SGCZ: variants seen among roughly 807,000 people sequenced by gnomAD.
The protein encoded by SGCZ is zeta-sarcoglycan.
In SGCZ, 40 loss-of-function variants were observed where a neutral mutation model predicts 41.3. The observed-to-expected ratio is 0.97, with a 90% CI of 0.75 to 1.26. The LOEUF (loss-of-function observed/expected upper bound fraction) is 1.26. Among genes scored for constraint, SGCZ ranks in the 50% most tolerant of loss-of-function variants. The probability of loss-of-function intolerance (pLI) is 0.00; values close to 1 mark genes in which losing one functional copy is unlikely to be tolerated. For missense variants in SGCZ, 552 were observed against 369.8 expected, an observed-to-expected ratio of 1.49 and a Z score of -4.04; for synonymous variants, 206 against 137.5, an observed-to-expected ratio of 1.50 and a Z score of -3.49.
At chr8:15,198,520 G>A (rs1268396023) in intron 1 of SGCZ, among the ~76,000 whole-genome samples, 2 of 152,148 alleles carry the variant, frequency 1.3e-5, no homozygotes, top group South Asian at 2.1e-4. Flanking sequence ...GATAATTCAT[G>A]TACAATCTTG....
chr8:14,355,441 T>C (rs1803258356), intron 2 of SGCZ, among the ~76,000 whole-genome samples: 1 of 152,118 alleles, frequency 6.6e-6, no homozygotes, highest in Non-Finnish European at 1.5e-5. Flanking sequence ...CTTTAACAAA[T>C]ACTGGCCTAT....
intron 2 of SGCZ, among the ~76,000 whole-genome samples, chr8:14,501,594 A>T (rs967864822): frequency 5.5e-5 from 8 of 146,398 alleles, no homozygotes; most frequent in African/African-American, 2.0e-4. Flanking sequence ...GATGAAATTC[A>T]TGATTTAGTT....
intron 1 of SGCZ, among the ~76,000 whole-genome samples, chr8:15,221,644 T>C (rs1301502401): frequency 3.3e-5 from 5 of 152,186 alleles, no homozygotes; most frequent in Non-Finnish European, 5.9e-5. Flanking sequence ...ATTCCTACTG[T>C]TATGCAGTAG....
At chr8:14,127,326 A>C (rs1802892033) in intron 5 of SGCZ, among the ~76,000 whole-genome samples, 1 of 152,156 alleles carries the variant, frequency 6.6e-6, no homozygotes. Context: ...CACATCCCCT[A>C]AATACTGAGG....
intron 2 of SGCZ, among the ~76,000 whole-genome samples, chr8:14,428,680 C>A (rs551900233): frequency 6.6e-6 from 1 of 152,148 alleles, no homozygotes; most frequent in Non-Finnish European, 1.5e-5. Context: ...TACGTGCATC[C>A]AACCAACTGA....
intron 1 of SGCZ, among the ~76,000 whole-genome samples, chr8:14,764,467 A>C (rs1382177510): frequency 6.6e-6 from 1 of 152,200 alleles, no homozygotes; most frequent in Non-Finnish European, 1.5e-5. Context: ...TGTCTCTTGA[A>C]GTGATGCAAA....
intron 1 of SGCZ, among the ~76,000 whole-genome samples, chr8:14,603,082 G>A (rs1158829546): frequency 1.3e-5 from 2 of 152,108 alleles, no homozygotes; most frequent in Non-Finnish European, 1.5e-5. Flanking sequence ...ATACGCCGGG[G>A]GCAACCCATT....
intron 1 of SGCZ, among the ~76,000 whole-genome samples, chr8:15,132,933 G>A (rs1401165658): frequency 6.6e-6 from 1 of 152,130 alleles, no homozygotes; most frequent in African/African-American, 2.4e-5. Flanking sequence ...ATGAGCCCAA[G>A]AGTTCAAGAT....
intron 3 of SGCZ, among the ~76,000 whole-genome samples, chr8:14,294,055 T>C (rs1800933248): frequency 6.6e-6 from 1 of 151,910 alleles, no homozygotes; most frequent in African/African-American, 2.4e-5. Flanking sequence ...ATCAACAATA[T>C]TGACATTTTT....
intron 1 of SGCZ, among the ~76,000 whole-genome samples, chr8:15,168,563 C>T (rs76554873): frequency 0.017 from 2,607 of 151,836 alleles, 36 homozygotes; most frequent in South Asian, 0.035. Context: ...GGATGGAAGA[C>T]GGAGAGAAGA....
At chr8:14,201,719 C>T (rs1434289794) in intron 4 of SGCZ, among the ~76,000 whole-genome samples, 1 of 152,048 alleles carries the variant, frequency 6.6e-6, no homozygotes, top group Non-Finnish European at 1.5e-5. Context: ...CTATATGCAC[C>T]TGTCAAAGCT....
At chr8:14,368,954 T>A (rs1803814087) in intron 2 of SGCZ, among the ~76,000 whole-genome samples, 1 of 151,640 alleles carries the variant, frequency 6.6e-6, no homozygotes, top group South Asian at 2.1e-4. Flanking sequence ...GTCTTTCTGA[T>A]AGGGGTTAAG....
intron 2 of SGCZ, among the ~76,000 whole-genome samples, chr8:14,370,509 C>T (rs1430796549): frequency 1.3e-5 from 2 of 151,866 alleles, no homozygotes; most frequent in Non-Finnish European, 2.9e-5. Context: ...GTAATCCAAT[C>T]ACAGTAACAC....
intron 5 of SGCZ, among the ~76,000 whole-genome samples, chr8:14,138,837 G>T (rs771858831): frequency 6.6e-6 from 1 of 151,976 alleles, no homozygotes; most frequent in Non-Finnish European, 1.5e-5. Flanking sequence ...TGCACCAAGC[G>T]GACCTAATAG....
intron 1 of SGCZ, among the ~76,000 whole-genome samples, chr8:15,061,859 T>A (rs978252180): frequency 6.6e-6 from 1 of 152,202 alleles, no homozygotes; most frequent in Admixed American, 6.5e-5. Flanking sequence ...CCCTACAAGT[T>A]GTTCAAGTTA....
intron 1 of SGCZ, among the ~76,000 whole-genome samples, chr8:14,630,960 T>C (rs145348769): frequency 0.01 from 1,534 of 152,116 alleles, 36 homozygotes; most frequent in African/African-American, 0.035. Flanking sequence ...ATATGGCACA[T>C]GTATACATAT....
rs1383922883 is a variant in SGCZ, at chr8:14,108,255, A to C, written c.548-20T>G. Reference sequence around the variant, plus strand: ...CAGTGCCTGGGGGTAGCATGAATATAGCAGTCAGTATAAGCAAGTCCACAC... The same window carrying C: ...CAGTGCCTGGGGGTAGCATGAATATCGCAGTCAGTATAAGCAAGTCCACAC... On this transcript the variant is annotated intron_variant, in intron 5 of 7. Transcript: ENST00000382080. 6.2e-7 allele frequency: 1 copy of C among 1,611,790 alleles called. No homozygotes were observed. Among genetic ancestry groups the C allele is most frequent in the Non-Finnish European group, 8.5e-7 (1 of 1,178,066 alleles).
chr8:14,159,769 T>C (rs1480769705), intron 5 of SGCZ, among the ~76,000 whole-genome samples: 1 of 152,142 alleles, frequency 6.6e-6, no homozygotes, highest in Non-Finnish European at 1.5e-5. Flanking sequence ...AGAGGAACAA[T>C]GGCCTATCTA....
Position 14,726,748 on chromosome 8 carries a change from G to T in SGCZ, c.40-171822C>A, listed in dbSNP as rs1810070233. On this transcript the variant is annotated intron_variant, in intron 1 of 7. Transcript: ENST00000382080. ...TGAACATACAAACCTGCAACAATATGATGTTTTGCATAAGGTAAGTTAATT... is the reference window on the plus strand; with the variant it reads ...TGAACATACAAACCTGCAACAATATTATGTTTTGCATAAGGTAAGTTAATT... 2.0e-5 allele frequency among the ~76,000 whole-genome samples: 3 copies of T among 152,130 alleles called. No individual in the cohort carries two copies. The South Asian group carries it at 6.2e-4, about 32-fold the overall frequency.
Sources: allele counts gnomAD v4.1 joint callset (sites outside exome capture counted in the v4.1 genomes callset), GRCh38; gene constraint gnomAD v4.1.1; transcripts MANE v1.5; gene names NCBI Gene and HGNC (gene_info 2026-07-23, HGNC 2026-07-21).